Variants in NDRG3 observed in about 807,000 individuals in gnomAD.
NDRG3 encodes the protein protein NDRG3.
In NDRG3, 23 loss-of-function variants were observed where a neutral mutation model predicts 57.2. That is an observed-to-expected ratio of 0.40 (90% CI 0.29 to 0.57). The LOEUF (loss-of-function observed/expected upper bound fraction) is 0.57. NDRG3 is among the 20% of genes least tolerant of loss of function. The probability of loss-of-function intolerance (pLI) is 0.42; values close to 1 mark genes in which losing one functional copy is unlikely to be tolerated. For synonymous variants in NDRG3, 132 were observed against 162.6 expected, an observed-to-expected ratio of 0.81 and a Z score of 1.43; for missense variants, 384 against 457.3, an observed-to-expected ratio of 0.84 and a Z score of 1.46.
chr20:36,688,922 G>A, intron 3 of NDRG3, 138 bp from the exon 4 acceptor site: 1 of 668,330 alleles, frequency 1.5e-6, no homozygotes, highest in Non-Finnish European at 2.7e-6. Context: ...GGCTGGGCGT[G>A]GTGGTTCACG....
chr20:36,741,069 T>G (rs542249713), intron 1 of NDRG3, among the ~76,000 whole-genome samples: 1 of 152,234 alleles, frequency 6.6e-6, no homozygotes, highest in Non-Finnish European at 1.5e-5. Flanking sequence ...ATCTTTGCAC[T>G]TGAAAGTACT....
In NDRG3 at chr20:36,728,942, G is replaced by A. The variant is rs780819409; in HGVS notation, c.-48-7159C>T. On this transcript the variant is annotated intron_variant, in intron 1 of 15. Transcript: ENST00000349004. ...TCACCATGTTGGCCAGGCTGGTCTC[G>A]AACTCCTGACCTCAGGTGATCCGCC... Among the ~76,000 whole-genome samples the A allele has an allele frequency of 2.0e-5, 3 of 151,912 alleles. No individual in the cohort carries two copies. The East Asian group carries it at 5.8e-4, about 29-fold the overall frequency.
chr20:36,687,150 C>T (rs569315982), intron 5 of NDRG3, among the ~76,000 whole-genome samples: 7 of 152,128 alleles, frequency 4.6e-5, no homozygotes, highest in Admixed American at 2.6e-4. Flanking sequence ...TGAGTCACCA[C>T]GTCTCGCTAA....
chr20:36,708,052 C>G (rs1983646197), intron 2 of NDRG3, among the ~76,000 whole-genome samples: 1 of 151,238 alleles, frequency 6.6e-6, no homozygotes, highest in African/African-American at 2.4e-5. Context: ...CCACTGTGCT[C>G]CAGCCTGGGC....
At chr20:36,745,949 G>A (rs1373563035) in intron 1 of NDRG3, 96 bp downstream of exon 1, 8 of 305,292 alleles carry the variant, frequency 2.6e-5, no homozygotes, top group Non-Finnish European at 4.3e-5. Flanking sequence ...TCGCCGTGCC[G>A]CGGAGATGAT....
chr20:36,725,591 G>GAT (rs1984879076), intron 1 of NDRG3, among the ~76,000 whole-genome samples: 2 of 133,648 alleles, frequency 1.5e-5, no homozygotes, highest in Middle Eastern at 4.2e-3. Context: ...GACAGAATGA[G>GAT]ACTCCGTCTA....
rs140047066 is a variant in NDRG3 at position 36,665,747 on chromosome 20, C to T, written c.693-446G>A. Among the ~76,000 whole-genome samples the T allele has an allele frequency of 4.5e-3, 691 of 152,208 alleles. 7 individuals carry two copies. Among genetic ancestry groups the T allele is most frequent in the African/African-American group, 0.016 (656 of 41,532 alleles). ...CCAAGTAGCTGAGATTACAGGCGCC[C>T]GCCACTACACCCGGCTAATTTTTGT... On this transcript the variant is annotated intron_variant, in intron 10 of 15. Coordinates refer to ENST00000349004, the MANE Select transcript of NDRG3 (RefSeq NM_032013.4).
intron 3 of NDRG3, among the ~76,000 whole-genome samples, chr20:36,696,783 G>A (rs1210901780): frequency 1.3e-5 from 2 of 152,148 alleles, no homozygotes; most frequent in Non-Finnish European, 2.9e-5. Flanking sequence ...GAGCCACCAC[G>A]CCCGGCCGCC....
intron 8 of NDRG3, among the ~76,000 whole-genome samples, chr20:36,673,403 TTTTC>T (rs1600872084): frequency 6.6e-6 from 1 of 151,974 alleles, no homozygotes; most frequent in East Asian, 1.9e-4. Flanking sequence ...CATTTGTTTG[TTTTC>T]TTTTTTTTTG....
chr20:36,679,901 T>C (rs1981106169), intron 8 of NDRG3, among the ~76,000 whole-genome samples: 2 of 151,274 alleles, frequency 1.3e-5, no homozygotes, highest in African/African-American at 4.9e-5. Flanking sequence ...CTTAGCTCAC[T>C]GCAACCTCTG....
At chr20:36,703,039 C>T (rs1472746215) in intron 3 of NDRG3, among the ~76,000 whole-genome samples, 2 of 151,850 alleles carry the variant, frequency 1.3e-5, no homozygotes, top group African/African-American at 2.4e-5. Context: ...AGGCTGGTCT[C>T]GAACTCCTGA....
At chr20:36,659,958 C>T (rs1238239007) in intron 13 of NDRG3, among the ~76,000 whole-genome samples, 1 of 151,492 alleles carries the variant, frequency 6.6e-6, no homozygotes, top group African/African-American at 2.4e-5. Flanking sequence ...CCTGTAATCC[C>T]AGCACTTTGG....
At chr20:36,667,627 C>T (rs75906328) in intron 9 of NDRG3, among the ~76,000 whole-genome samples, 31 of 152,248 alleles carry the variant, frequency 2.0e-4, no homozygotes, top group African/African-American at 7.0e-4. Context: ...CATGTAAATA[C>T]GTGTGTGCAT....
intron 2 of NDRG3, among the ~76,000 whole-genome samples, chr20:36,712,454 C>T (rs1173568077): frequency 2.3e-5 from 3 of 133,212 alleles, no homozygotes; most frequent in Non-Finnish European, 3.1e-5. Context: ...GGAATGCAGT[C>T]GCATGATCAC....
intron 2 of NDRG3, 100 bp downstream of exon 2, chr20:36,721,579 C>T: frequency 1.4e-6 from 1 of 693,594 alleles, no homozygotes; most frequent in Non-Finnish European, 2.5e-6. Context: ...GAAAGTCAAG[C>T]TAAATATGTT....
chr20:36,694,089 T>A (rs1204536341), intron 3 of NDRG3, among the ~76,000 whole-genome samples: 1 of 152,046 alleles, frequency 6.6e-6, no homozygotes. Flanking sequence ...TGGAAGTGGA[T>A]CATCATAAAG....
intron 6 of NDRG3, 69 bp from the exon 7 acceptor site, chr20:36,682,647 G>A: frequency 2.3e-6 from 3 of 1,322,340 alleles, no homozygotes; most frequent in Non-Finnish European, 3.3e-6. Context: ...ATAATTGAAA[G>A]CATACAACCT....
chr20:36,654,076 G>A (rs1203343564), intron 15 of NDRG3, among the ~76,000 whole-genome samples: 1 of 152,116 alleles, frequency 6.6e-6, no homozygotes, highest in Non-Finnish European at 1.5e-5. Flanking sequence ...AGAAAAGAAA[G>A]ACACACACAC....
intron 8 of NDRG3, among the ~76,000 whole-genome samples, chr20:36,680,377 C>T (rs1343868660): frequency 1.3e-5 from 2 of 151,358 alleles, no homozygotes; most frequent in Non-Finnish European, 2.9e-5. Flanking sequence ...ATCCCAGCCA[C>T]TCGGGAGGCT....
Sources: gnomAD v4.1 joint callset for allele counts (sites outside exome capture counted in the v4.1 genomes callset) on GRCh38, gnomAD v4.1.1 for gene constraint, MANE v1.5 for transcripts, NCBI Gene and HGNC (gene_info 2026-07-23, HGNC 2026-07-21) for gene names.